ZFPM2: variants seen among roughly 807,000 people sequenced by gnomAD.
ZFPM2 encodes zinc finger protein, FOG family member 2.
In ZFPM2, 20 loss-of-function variants were observed where a neutral mutation model predicts 98.6. The ratio of observed to expected loss-of-function variants is 0.20; its 90% confidence interval spans 0.14 to 0.29. The LOEUF (loss-of-function observed/expected upper bound fraction) is 0.29. ZFPM2 is among the 10% of genes least tolerant of loss of function. The pLI, the probability that ZFPM2 is intolerant of heterozygous loss-of-function variation, is 1.00. For synonymous variants in ZFPM2, 518 were observed against 502.7 expected (o/e 1.03, Z -0.41); for missense variants, 1,310 against 1,388.6 (o/e 0.94, Z 0.90).
chr8:105,595,260 T>G (rs2130773004), intron 4 of ZFPM2, among the ~76,000 whole-genome samples: 1 of 152,224 alleles, frequency 6.6e-6, no homozygotes, highest in African/African-American at 2.4e-5. Flanking sequence ...CTTATTAGTC[T>G]ATCTTTGGTC....
At chr8:105,347,640 AC>A (rs769263556) in intron 1 of ZFPM2, among the ~76,000 whole-genome samples, 47 of 152,130 alleles carry the variant, frequency 3.1e-4, no homozygotes, top group Non-Finnish European at 5.7e-4. Context: ...CATGTGACAT[AC>A]CTTTACTTCA....
chr8:105,558,802 G>A (rs945687948), intron 3 of ZFPM2, among the ~76,000 whole-genome samples: 2 of 151,954 alleles, frequency 1.3e-5, no homozygotes, highest in African/African-American at 4.8e-5. Context: ...CAAATTATTT[G>A]GGTATATTTT....
At chr8:105,712,428 AG>A in intron 5 of ZFPM2, among the ~76,000 whole-genome samples, 1 of 152,166 alleles carries the variant, frequency 6.6e-6, no homozygotes, top group South Asian at 2.1e-4. Context: ...TAACGTTGTG[AG>A]GTAGACAGTA....
chr8:105,575,265 T>G (rs1013472859), intron 4 of ZFPM2, among the ~76,000 whole-genome samples: 1 of 152,130 alleles, frequency 6.6e-6, no homozygotes, highest in African/African-American at 2.4e-5. Flanking sequence ...CCATCTATTT[T>G]TTGGTGTTAA....
chr8:105,399,249 G>T (rs978871752), intron 1 of ZFPM2, among the ~76,000 whole-genome samples: 1 of 152,192 alleles, frequency 6.6e-6, no homozygotes, highest in African/African-American at 2.4e-5. Context: ...TTTATATCCT[G>T]TGACAAGCAA....
chr8:105,648,843 A>G (rs1817109046), intron 5 of ZFPM2, among the ~76,000 whole-genome samples: 1 of 152,114 alleles, frequency 6.6e-6, no homozygotes, highest in African/African-American at 2.4e-5. Context: ...TTGGCTTAGG[A>G]TTGACTTGGC....
intron 5 of ZFPM2, among the ~76,000 whole-genome samples, chr8:105,671,535 A>C (rs906290718): frequency 6.6e-6 from 1 of 151,882 alleles, no homozygotes; most frequent in Non-Finnish European, 1.5e-5. Context: ...TTAATTTTTG[A>C]TTACTGAATT....
intron 1 of ZFPM2, chr8:105,358,536 T>C (rs1812793218): frequency 6.6e-6 from 1 of 152,182 alleles, no homozygotes; most frequent in South Asian, 2.1e-4. Context: ...ACTTCGAAGC[T>C]GGTTAGCAAA....
intron 3 of ZFPM2, among the ~76,000 whole-genome samples, chr8:105,546,796 A>G (rs1384096658): frequency 1.3e-5 from 2 of 152,130 alleles, no homozygotes; most frequent in Non-Finnish European, 2.9e-5. Context: ...ATGGTTAGCA[A>G]AGTTTTTCTA....
chr8:105,375,262 A>T (rs1810702411), intron 1 of ZFPM2, among the ~76,000 whole-genome samples: 1 of 152,196 alleles, frequency 6.6e-6, no homozygotes, highest in African/African-American at 2.4e-5. Flanking sequence ...TCTAGAAAGG[A>T]ATCTAACAGG....
chr8:105,543,497 G>C (rs1814625318), intron 3 of ZFPM2, among the ~76,000 whole-genome samples: 1 of 152,066 alleles, frequency 6.6e-6, no homozygotes, highest in Non-Finnish European at 1.5e-5. Flanking sequence ...GGCTCTTCCT[G>C]ACTCAACATG....
chr8:105,471,972 A>G (rs1812912902), intron 3 of ZFPM2, among the ~76,000 whole-genome samples: 1 of 152,132 alleles, frequency 6.6e-6, no homozygotes, highest in Non-Finnish European at 1.5e-5. Context: ...GTGTTTCAAA[A>G]AATGTGGTCG....
intron 2 of ZFPM2, among the ~76,000 whole-genome samples, chr8:105,423,729 T>C (rs1371319687): frequency 6.6e-6 from 1 of 152,092 alleles, no homozygotes; most frequent in Non-Finnish European, 1.5e-5. Context: ...TGAACAGAAA[T>C]ATAGGTGGTC....
At chr8:105,534,866 G>T (rs945060393) in intron 3 of ZFPM2, among the ~76,000 whole-genome samples, 3 of 152,118 alleles carry the variant, frequency 2.0e-5, no homozygotes, top group Middle Eastern at 3.2e-3. Context: ...CTTTGGCTGT[G>T]GTGCGGAGAA....
intron 3 of ZFPM2, among the ~76,000 whole-genome samples, chr8:105,508,850 G>GA (rs35139970): frequency 2.5e-3 from 314 of 124,838 alleles, no homozygotes; most frequent in African/African-American, 6.1e-3. Context: ...GATTTTTTTT[G>GA]AAAAAAAAAA....
At chr8:105,540,372 G>A (rs1814550657) in intron 3 of ZFPM2, among the ~76,000 whole-genome samples, 2 of 152,040 alleles carry the variant, frequency 1.3e-5, no homozygotes, top group South Asian at 4.2e-4. Flanking sequence ...CATCTGCTAA[G>A]TGAAAATAAC....
intron 3 of ZFPM2, among the ~76,000 whole-genome samples, chr8:105,475,352 A>G (rs765442999): frequency 5.3e-5 from 8 of 152,208 alleles, no homozygotes; most frequent in Non-Finnish European, 1.0e-4. Context: ...CGTTTGACCT[A>G]GAAATTAGGA....
intron 2 of ZFPM2, among the ~76,000 whole-genome samples, chr8:105,424,991 G>A (rs980583191): frequency 1.8e-4 from 27 of 152,350 alleles, no homozygotes; most frequent in African/African-American, 6.5e-4. Context: ...GATGGGGAAG[G>A]TGAACTTTGA....
chr8:105,433,553 C>T (rs997523878), intron 2 of ZFPM2, among the ~76,000 whole-genome samples: 3 of 152,066 alleles, frequency 2.0e-5, no homozygotes, highest in Admixed American at 6.6e-5. Flanking sequence ...TTTGGGAGGC[C>T]GAGGCGGTTG....
Sources: gnomAD v4.1 joint callset for allele counts (sites outside exome capture counted in the v4.1 genomes callset) on GRCh38, gnomAD v4.1.1 for gene constraint, MANE v1.5 for transcripts, NCBI Gene and HGNC (gene_info 2026-07-23, HGNC 2026-07-21) for gene names.